The following FBXW10 variants were observed in gnomAD, a reference collection of about 807,000 sequenced individuals.
The protein encoded by FBXW10 is F-box and WD repeat domain containing 10.
A neutral mutation model predicts 113.1 loss-of-function variants in FBXW10; 68 were observed. The observed-to-expected ratio is 0.60, with a 90% confidence interval of 0.49 to 0.74. The LOEUF is 0.74. Among genes scored for constraint, FBXW10 ranks in the 30% least tolerant of loss-of-function variants. FBXW10 has a pLI of 0.00. For synonymous variants in FBXW10, 289 were observed against 481.6 expected (o/e 0.60, Z 5.24); for missense variants, 753 against 1,284.5 (o/e 0.59, Z 6.32).
At chr17:18,775,286 CA>C in intron 13 of FBXW10, 94 bp downstream of exon 13, 1 of 796,200 alleles carries the variant, frequency 1.3e-6, no homozygotes, top group Admixed American at 2.0e-5. Context: ...GGAGATAAGA[CA>C]AAAAGTCATA....
At chr17:18,768,824 T>C (rs1387005743) in intron 10 of FBXW10, 148 bp downstream of exon 10, 2 of 869,032 alleles carry the variant, frequency 2.3e-6, no homozygotes, top group African/African-American at 3.4e-5. Flanking sequence ...CTCTTCCACC[T>C]GGGACCCATT....
At chr17:18,776,267 G>C (rs1421407561) in intron 13 of FBXW10, among the ~76,000 whole-genome samples, 1 of 151,952 alleles carries the variant, frequency 6.6e-6, no homozygotes, top group African/African-American at 2.4e-5. Flanking sequence ...GGGTTGCAGT[G>C]AGCTGAGATC....
intron 7 of FBXW10, among the ~76,000 whole-genome samples, chr17:18,764,363 A>G (rs1411654365): frequency 6.6e-6 from 1 of 151,934 alleles, no homozygotes; most frequent in Non-Finnish European, 1.5e-5. Context: ...CACCACGCCC[A>G]GCTAACTTTT....
At chr17:18,766,923 C>T in intron 9 of FBXW10, 61 bp downstream of exon 9, 1 of 1,476,050 alleles carries the variant, frequency 6.8e-7, no homozygotes, top group South Asian at 1.2e-5. Flanking sequence ...GGTGGGCTCC[C>T]CCTACCTAGC....
At chr17:18,766,145 C>T (rs1485484316) in intron 8 of FBXW10, among the ~76,000 whole-genome samples, 2 of 152,112 alleles carry the variant, frequency 1.3e-5, no homozygotes, top group African/African-American at 2.4e-5. Flanking sequence ...GTAAACCCAC[C>T]CCTAGCTGTG....
Position 18,778,613 on chromosome 17 carries a change from C to A in FBXW10, c.2474C>A (p.Ala825Asp), listed in dbSNP as rs997191443. 14 of 1,613,816 alleles carry A rather than the reference C, an allele frequency of 8.7e-6. No individual in the cohort carries two copies. The highest frequency in any genetic ancestry group is 1.2e-5 in the Non-Finnish European group (14 of 1,179,880). Residue 825 changes from alanine (A) to aspartate (D), a missense_variant, in exon 14 of 14, where the codon GCC (alanine) becomes GAC (aspartate). Physicochemically the swap from Ala to Asp is moderately radical, Grantham distance 126. Transcript: ENST00000395665. ...CTGACTGTTAGCGCCCTGCAGCACG[C>A]CCATAATTCCGGGGAATTTGCCTAT... is the stretch of plus-strand genomic sequence containing the variant. Reference protein sequence around the residue: ...FLLTVSALQHAHNSGEFAYPC... With the variant: ...FLLTVSALQHDHNSGEFAYPC...
chr17:18,749,639 G>C, intron 2 of FBXW10, 83 bp from the exon 3 acceptor site: 2 of 1,595,814 alleles, frequency 1.3e-6, no homozygotes. Context: ...TTTTCTGGGA[G>C]AGCTTTTGGT....
In FBXW10 at chr17:18,766,717, G is replaced by A; in HGVS notation, c.1559G>A (p.Trp520Ter). 1 of 1,613,742 alleles carries A rather than the reference G, an allele frequency of 6.2e-7. No homozygotes were observed. The highest frequency in any genetic ancestry group is 8.5e-7 in the Non-Finnish European group (1 of 1,179,744). Residue 520 changes from tryptophan to a stop codon, truncating the protein, a stop_gained, in exon 9 of 14, where the codon TGG becomes TAG. Transcript: ENST00000395665. LOFTEE classifies it high-confidence loss of function. ...CCTCTCTCTCCCTCCTGTTCAGTAT[G>A]GGATGTAGACACAGGGAAGTGCCTG... ...SGGRDCQVKV[W>*]DVDTGKCLKT...
At chr17:18,762,630 ATTATC>A (rs2035409270) in intron 7 of FBXW10, among the ~76,000 whole-genome samples, 1 of 151,774 alleles carries the variant, frequency 6.6e-6, no homozygotes, top group Non-Finnish European at 1.5e-5. Flanking sequence ...CCGACAATAT[ATTATC>A]TTCTTTTCTA....
At chr17:18,745,077 T>C in intron 1 of FBXW10, 1 of 1,236,534 alleles carries the variant, frequency 8.1e-7, no homozygotes, top group Non-Finnish European at 1.0e-6. Context: ...GCTGGTGTCG[T>C]TCCTGCTTTA....
intron 7 of FBXW10, among the ~76,000 whole-genome samples, chr17:18,763,641 G>A (rs1422144633): frequency 2.0e-5 from 3 of 152,118 alleles, no homozygotes; most frequent in Admixed American, 1.3e-4. Context: ...TACCTGAAGC[G>A]GAAGCATCAA....
At chr17:18,749,260 C>T (rs529795313) in intron 2 of FBXW10, among the ~76,000 whole-genome samples, 30 of 152,066 alleles carry the variant, frequency 2.0e-4, no homozygotes, top group Non-Finnish European at 1.9e-4. Flanking sequence ...TATTCTCGGC[C>T]GAGTGCGGTG....
At chr17:18,755,554 G>GAA (rs113240009) in intron 5 of FBXW10, among the ~76,000 whole-genome samples, 61,612 of 145,920 alleles carry the variant, frequency 0.42, 12,917 homozygotes, top group Non-Finnish European at 0.47. Flanking sequence ...GACTCCGTCT[G>GAA]AAAAAAAAAA....
chr17:18,759,981 T>C (rs2035349591), intron 7 of FBXW10, among the ~76,000 whole-genome samples: 1 of 152,186 alleles, frequency 6.6e-6, no homozygotes, highest in Admixed American at 6.6e-5. Flanking sequence ...TGTCCCCTGG[T>C]GCCCATGTGC....
chr17:18,747,915 C>A (rs2035069933), intron 1 of FBXW10, 26 bp from the exon 2 acceptor site: 1 of 1,613,742 alleles, frequency 6.2e-7, no homozygotes, highest in Non-Finnish European at 8.5e-7. Flanking sequence ...TCAAGAGCAA[C>A]CTTGTCTTGG....
chr17:18,746,513 G>T lies in FBXW10; in HGVS notation c.506-1428G>T, dbSNP rs1423200613. ...TCCAAAAGAATTTTAAAGCTGGATG[G>T]CCTAGGACACAATTAGATCACAATA... On this transcript the variant is annotated intron_variant, in intron 1 of 13. Transcript: ENST00000395665. Among the ~76,000 whole-genome samples the T allele has an allele frequency of 5.3e-5, 8 of 152,134 alleles. No individual in the cohort carries two copies. The East Asian group carries it at 1.5e-3, about 29-fold the overall frequency.
At chr17:18,777,062 GT>G (rs368455869) in intron 13 of FBXW10, among the ~76,000 whole-genome samples, 11,137 of 131,296 alleles carry the variant, frequency 0.085, 337 homozygotes, top group African/African-American at 0.1. Context: ...ATTTCACTCA[GT>G]TTTTTTTTTT....
intron 4 of FBXW10, 48 bp from the exon 5 acceptor site, chr17:18,750,883 G>A (rs1465593445): frequency 6.3e-7 from 1 of 1,583,762 alleles, no homozygotes; most frequent in Non-Finnish European, 8.6e-7. Context: ...GCCAAGAGAA[G>A]CCATTTTCTG....
chr17:18,745,453 T>G (rs977356810), intron 1 of FBXW10: 4 of 168,664 alleles, frequency 2.4e-5, no homozygotes, highest in African/African-American at 9.6e-5. Context: ...TCTCGCTCTG[T>G]CACCCAGGCT....
Sources: allele counts gnomAD v4.1 joint callset (sites outside exome capture counted in the v4.1 genomes callset), GRCh38; gene constraint gnomAD v4.1.1; transcripts MANE v1.5; gene names NCBI Gene and HGNC (gene_info 2026-07-23, HGNC 2026-07-21).